The following MMD2 variants were observed in gnomAD, a reference collection of about 807,000 sequenced individuals.
MMD2 encodes monocyte to macrophage differentiation associated 2, also known as monocyte to macrophage differentiation factor 2.
MMD2 carries 30 observed loss-of-function variants against 33.5 expected under a neutral mutation model. The ratio of observed to expected loss-of-function variants is 0.90; its 90% CI spans 0.67 to 1.22. The LOEUF is 1.22. Among genes scored for constraint, MMD2 ranks in the 50% most tolerant of loss-of-function variants. MMD2 has a pLI of 0.00. For synonymous variants in MMD2, 129 were observed against 123.0 expected, an observed-to-expected ratio of 1.05 and a Z score of -0.32; for missense variants, 364 against 325.4, an observed-to-expected ratio of 1.12 and a Z score of -0.91.
chr7:4,939,079 G>A (rs1262776615), intron 1 of MMD2, among the ~76,000 whole-genome samples: 1 of 152,158 alleles, frequency 6.6e-6, no homozygotes, highest in Non-Finnish European at 1.5e-5. Context: ...GCATGGTGGT[G>A]TAATCCCAGC....
intron 1 of MMD2, among the ~76,000 whole-genome samples, chr7:4,938,731 G>C (rs1296031211): frequency 6.6e-6 from 1 of 152,148 alleles, no homozygotes; most frequent in Non-Finnish European, 1.5e-5. Flanking sequence ...AGGAGAGACT[G>C]GGGGAGACAG....
the MMD2 span, among the ~76,000 whole-genome samples, chr7:4,893,518 A>G: frequency 1.3e-5 from 2 of 152,058 alleles, no homozygotes; most frequent in East Asian, 1.9e-4. Flanking sequence ...CAGCATCCCA[A>G]GTAGCTGGGA....
chr7:4,896,913 G>A, the MMD2 span, among the ~76,000 whole-genome samples: 2 of 151,906 alleles, frequency 1.3e-5, no homozygotes, highest in African/African-American at 4.8e-5. Context: ...AGGCTGGAGT[G>A]TAGTGGCCCA....
At chr7:4,917,306 G>A (rs187316096) in intron 3 of MMD2, among the ~76,000 whole-genome samples, 25 of 152,204 alleles carry the variant, frequency 1.6e-4, no homozygotes, top group African/African-American at 5.8e-4. Context: ...CCTGACACGG[G>A]GCTGTGGGGA....
chr7:4,911,018 C>T (rs1027552951), intron 5 of MMD2, 127 bp downstream of exon 5: 35 of 774,288 alleles, frequency 4.5e-5, no homozygotes, highest in South Asian at 9.4e-5. Flanking sequence ...GCCTGAATGA[C>T]GTGACAGCCA....
intron 1 of MMD2, among the ~76,000 whole-genome samples, chr7:4,952,167 C>G (rs1309411538): frequency 6.6e-6 from 1 of 152,212 alleles, no homozygotes; most frequent in Non-Finnish European, 1.5e-5. Context: ...TGGCCCCAGC[C>G]TACTCCTGCT....
chr7:4,948,420 G>A (rs1050607533), intron 1 of MMD2, among the ~76,000 whole-genome samples: 2 of 152,128 alleles, frequency 1.3e-5, no homozygotes, highest in Admixed American at 1.3e-4. Flanking sequence ...CTACTCGGGA[G>A]GCTGAGGCAG....
intron 1 of MMD2, among the ~76,000 whole-genome samples, chr7:4,927,980 G>A (rs1203842905): frequency 3.3e-5 from 5 of 152,286 alleles, no homozygotes; most frequent in Middle Eastern, 3.4e-3. Flanking sequence ...AGTCTGGGAA[G>A]ACAGACAAGG....
chr7:4,945,502 G>A (rs867001432), intron 1 of MMD2, among the ~76,000 whole-genome samples: 15 of 151,564 alleles, frequency 9.9e-5, no homozygotes, highest in Admixed American at 2.6e-4. Context: ...TCCTGACCTC[G>A]TGATCCACCT....
At chr7:4,898,700 G>A in the MMD2 span, among the ~76,000 whole-genome samples, 1 of 152,170 alleles carries the variant, frequency 6.6e-6, no homozygotes, top group South Asian at 2.1e-4. Flanking sequence ...AGGAGTTCAA[G>A]ACCAGCTGGC....
chr7:4,900,605 A>T, the MMD2 span, among the ~76,000 whole-genome samples: 1 of 152,084 alleles, frequency 6.6e-6, no homozygotes, highest in Non-Finnish European at 1.5e-5. Context: ...AAGAACACTG[A>T]TACCTTCCAT....
At chr7:4,921,493 C>T (rs986175457) in intron 2 of MMD2, among the ~76,000 whole-genome samples, 4 of 151,710 alleles carry the variant, frequency 2.6e-5, no homozygotes, top group East Asian at 1.9e-4. Context: ...TGGTGGTGCG[C>T]ACCTGTAATC....
Position 4,925,507 on chromosome 7 carries a change from G to A in MMD2, c.73C>T (p.His25Tyr). 6.3e-7 allele frequency: 1 copy of A among 1,579,412 alleles called. No individual in the cohort carries two copies. Among genetic ancestry groups the A allele is most frequent in the Non-Finnish European group, 8.6e-7 (1 of 1,160,992 alleles). The change falls in exon 2 of 7, where the codon CAC (histidine) becomes TAC (tyrosine). Residue 25 changes from histidine (H) to tyrosine (Y), a missense_variant. Physicochemically the swap from His to Tyr is moderately conservative, Grantham distance 83 (BLOSUM62 2). Coordinates refer to ENST00000401401, the MANE Select transcript of MMD2 (RefSeq NM_198403.4). Reference sequence around the variant, plus strand: ...TACTCTGTGGGCTGGTACCTCTTGTGGGCAGGGACTCGGTGGTTCATGAAC... The same window carrying A: ...TACTCTGTGGGCTGGTACCTCTTGTAGGCAGGGACTCGGTGGTTCATGAAC... Reference protein sequence around the residue: ...ARFMNHRVPAHKRYQPTEYEH... With the variant: ...ARFMNHRVPAYKRYQPTEYEH...
downstream of MMD2, among the ~76,000 whole-genome samples, chr7:4,905,694 G>A (rs1400698426): frequency 6.6e-6 from 1 of 152,036 alleles, no homozygotes; most frequent in Non-Finnish European, 1.5e-5. This position sits in a 1 kb window ranked among gnomAD's most constrained non-coding sequence, Gnocchi z 5.0. Context: ...CAGAGGTCAA[G>A]TTTTCAGTGT....
At chr7:4,945,281 CTTTT>C (rs1230164654) in intron 1 of MMD2, among the ~76,000 whole-genome samples, 8 of 80,112 alleles carry the variant, frequency 1.0e-4, no homozygotes, top group Non-Finnish European at 2.1e-4. Context: ...CTTTTTTTTT[CTTTT>C]TTTGAGACAG....
intron 1 of MMD2, among the ~76,000 whole-genome samples, chr7:4,930,911 C>T (rs564550185): frequency 7.9e-4 from 120 of 151,296 alleles, no homozygotes; most frequent in African/African-American, 2.6e-3. Context: ...AGTGCAGTGG[C>T]GCGATCTCGG....
In MMD2 at chr7:4,916,306, T is replaced by G. The variant is rs1010417639; in HGVS notation, c.291-227A>C. Among the ~76,000 whole-genome samples, 4 of 151,244 alleles carry G rather than the reference T, an allele frequency of 2.6e-5. No individual in the cohort carries two copies. In the South Asian group the frequency reaches 8.4e-4, roughly 32 times the overall value. On this transcript the variant is annotated intron_variant, in intron 3 of 6. Transcript: ENST00000401401. Reference sequence around the variant, plus strand: ...CCCTAGGGGCTGCATGGAGACACCTTGCCTCGGGGGTCCCACTGAGGGCCT... The same window carrying G: ...CCCTAGGGGCTGCATGGAGACACCTGGCCTCGGGGGTCCCACTGAGGGCCT...
the MMD2 span, among the ~76,000 whole-genome samples, chr7:4,898,927 A>G: frequency 1.3e-5 from 2 of 151,738 alleles, no homozygotes; most frequent in Non-Finnish European, 2.9e-5. Context: ...GAGACAGAGG[A>G]AGGAAGGAAG....
chr7:4,937,912 G>A (rs1785786751), intron 1 of MMD2, among the ~76,000 whole-genome samples: 1 of 150,264 alleles, frequency 6.7e-6, no homozygotes, highest in Non-Finnish European at 1.5e-5. Context: ...GCCTCCCAAA[G>A]CACTGAGATT....
Sources: allele counts gnomAD v4.1 joint callset (sites outside exome capture counted in the v4.1 genomes callset), GRCh38; gene constraint gnomAD v4.1.1; non-coding constraint Gnocchi (gnomAD v3.1); transcripts MANE v1.5; gene names NCBI Gene and HGNC (gene_info 2026-07-23, HGNC 2026-07-21).